SREK1: variants seen among roughly 807,000 people sequenced by gnomAD.
SREK1 encodes the protein splicing regulatory glutamine/lysine-rich protein 1.
In SREK1, 13 loss-of-function variants were observed where a neutral mutation model predicts 66.5. The ratio of observed to expected loss-of-function variants is 0.20; its 90% CI spans 0.13 to 0.31. The LOEUF is 0.31. Among genes scored for constraint, SREK1 ranks in the 10% least tolerant of loss-of-function variants. SREK1 has a pLI of 1.00. For synonymous variants in SREK1, 265 were observed against 263.5 expected (o/e 1.01, Z -0.05); for missense variants, 607 against 769.6 (o/e 0.79, Z 2.50).
At chr5:66,157,396 C>T in intron 2 of SREK1, 1 of 984,018 alleles carries the variant, frequency 1.0e-6, no homozygotes, top group Non-Finnish European at 1.2e-6. Context: ...TGGGACATTA[C>T]TAGATTAGAA....
At chr5:66,146,729 G>A (rs1743238729) in intron 1 of SREK1, among the ~76,000 whole-genome samples, 1 of 152,050 alleles carries the variant, frequency 6.6e-6, no homozygotes, top group Non-Finnish European at 1.5e-5. Flanking sequence ...GGACTGAAAT[G>A]GATACAAAAT....
chr5:66,144,369 G>A lies in SREK1; in HGVS notation c.-8G>A, dbSNP rs1474791615. On this transcript the variant is annotated 5_prime_UTR_variant, in exon 1 of 12. Transcript: ENST00000334121. Reference sequence around the variant, plus strand: ...GGGGAGCGGGAAGGCAACGGCAGCGGGATCGGGATGAACAGCGGCGGCGGC... The same window carrying A: ...GGGGAGCGGGAAGGCAACGGCAGCGAGATCGGGATGAACAGCGGCGGCGGC... The A allele has an allele frequency of 1.2e-5, 19 of 1,538,844 alleles. No individual in the cohort carries two copies. The highest frequency in any genetic ancestry group is 1.7e-5 in the Non-Finnish European group (19 of 1,137,952).
intron 10 of SREK1, among the ~76,000 whole-genome samples, chr5:66,175,806 C>T (rs557907388): frequency 6.6e-6 from 1 of 152,086 alleles, no homozygotes; most frequent in Non-Finnish European, 1.5e-5. Flanking sequence ...TTTTTGTTTC[C>T]TTTTCTATTT....
At chr5:66,144,825 C>G (rs933727538) in intron 1 of SREK1, 65 of 1,122,182 alleles carry the variant, frequency 5.8e-5, no homozygotes, top group Non-Finnish European at 6.8e-5. Context: ...AATTCCGTGC[C>G]CCCACCCTCT....
At chr5:66,156,892 A>C (rs1209540105) in intron 2 of SREK1, 6 of 965,046 alleles carry the variant, frequency 6.2e-6, no homozygotes, top group Non-Finnish European at 7.3e-6. Flanking sequence ...ATGGATTCTG[A>C]GATTAGGACT....
intron 3 of SREK1, among the ~76,000 whole-genome samples, chr5:66,159,702 G>GA (rs1241724275): frequency 1.3e-5 from 2 of 151,944 alleles, no homozygotes; most frequent in Non-Finnish European, 2.9e-5. Flanking sequence ...TTGGTAATGG[G>GA]AAAAAAACAG....
intron 6 of SREK1, 83 bp downstream of exon 6, chr5:66,164,005 G>A: frequency 2.7e-6 from 4 of 1,477,512 alleles, no homozygotes; most frequent in Non-Finnish European, 3.7e-6. Flanking sequence ...AAATCATCTT[G>A]TTCAGTCACT....
At chr5:66,144,662 G>A in intron 1 of SREK1, 125 bp downstream of exon 1, 1 of 1,414,532 alleles carries the variant, frequency 7.1e-7, no homozygotes, top group Non-Finnish European at 9.3e-7. Context: ...GGCTTACCTT[G>A]GTGCCCATAT....
intron 3 of SREK1, 83 bp downstream of exon 3, chr5:66,159,417 T>A: frequency 9.0e-7 from 1 of 1,115,098 alleles, no homozygotes; most frequent in Non-Finnish European, 1.2e-6. Flanking sequence ...ATTATTTGCA[T>A]TTGGATCTTC....
chr5:66,163,137 G>A (rs1049628850), intron 5 of SREK1: 1 of 152,018 alleles, frequency 6.6e-6, no homozygotes, highest in South Asian at 2.1e-4. Context: ...GGCATATATA[G>A]TTTTGCTTGA....
intron 7 of SREK1, chr5:66,169,342 G>A (rs922488308): frequency 2.6e-5 from 4 of 152,126 alleles, no homozygotes; most frequent in Non-Finnish European, 4.4e-5. Flanking sequence ...GAGCGCTTTC[G>A]TGATGCTCAA....
intron 7 of SREK1, chr5:66,169,303 C>T (rs1358795848): frequency 6.6e-6 from 1 of 152,136 alleles, no homozygotes; most frequent in Non-Finnish European, 1.5e-5. Flanking sequence ...ATTTGAAAAT[C>T]TGAAATTCAA....
In SREK1 at chr5:66,170,783, G is replaced by A; in HGVS notation, c.1320G>A (p.Glu440=). Residue 440 remains glutamate (E), a synonymous_variant, in exon 9 of 12, where the codon GAG becomes GAA. Transcript: ENST00000334121. ...EKDREREREK[E]HEKDRDKEKE... ...ACAGAGAGAGAGAACGGGAAAAAGA[G>A]CATGAGAAGGATCGAGACAAAGAGA... The A allele has an allele frequency of 1.2e-6, 2 of 1,606,356 alleles. No homozygotes were observed. Among genetic ancestry groups the A allele is most frequent in the East Asian group, 4.5e-5 (2 of 44,526 alleles).
At chr5:66,170,217 T>C (rs114247107) in intron 8 of SREK1, 47 bp downstream of exon 8, 41,216 of 1,584,504 alleles carry the variant, frequency 0.026, 662 homozygotes, top group Middle Eastern at 0.054. Flanking sequence ...CTCAGAGTTC[T>C]GTTAGTGCTA....
At chr5:66,165,049 A>G in intron 7 of SREK1, 152 bp downstream of exon 7, 1 of 640,738 alleles carries the variant, frequency 1.6e-6, no homozygotes, top group Non-Finnish European at 2.5e-6. Context: ...TCTAATTGTA[A>G]TACTGTAGTT....
chr5:66,166,590 C>G (rs1403558842), intron 7 of SREK1: 2 of 152,162 alleles, frequency 1.3e-5, no homozygotes, highest in Non-Finnish European at 2.9e-5. Flanking sequence ...CCCACCTCAG[C>G]TTCTCGAGTA....
At chr5:66,144,706 C>T (rs1351176584) in intron 1 of SREK1, 169 bp downstream of exon 1, 5 of 1,325,380 alleles carry the variant, frequency 3.8e-6, no homozygotes, top group Admixed American at 6.0e-5. Context: ...CCGTCCTGCT[C>T]TCCTTAGTCG....
intron 1 of SREK1, among the ~76,000 whole-genome samples, chr5:66,147,756 TTC>T (rs1743387934): frequency 6.6e-6 from 1 of 152,188 alleles, no homozygotes. Flanking sequence ...CTATCAAAGC[TTC>T]TCTCCATTTC....
intron 9 of SREK1, among the ~76,000 whole-genome samples, chr5:66,172,654 C>G (rs951190989): frequency 6.6e-6 from 1 of 151,982 alleles, no homozygotes; most frequent in Non-Finnish European, 1.5e-5. Flanking sequence ...CCTTGGCCTC[C>G]CAAAGTGCTG....
Sources: allele counts gnomAD v4.1 joint callset (sites outside exome capture counted in the v4.1 genomes callset), GRCh38; gene constraint gnomAD v4.1.1; transcripts MANE v1.5; gene names NCBI Gene and HGNC (gene_info 2026-07-23, HGNC 2026-07-21).